The following FHIT variants were observed in gnomAD, a reference collection of about 807,000 sequenced individuals.
The protein encoded by FHIT is fragile histidine triad diadenosine triphosphatase.
In FHIT, 19 loss-of-function variants were observed where a neutral mutation model predicts 17.9. That is an observed-to-expected ratio of 1.06 (90% CI 0.74 to 1.56). FHIT has a LOEUF of 1.56. Among genes scored for constraint, FHIT ranks in the 40% most tolerant of loss-of-function variants. FHIT has a pLI of 0.00. For synonymous variants in FHIT, 81 were observed against 69.7 expected (o/e 1.16, Z -0.81); for missense variants, 248 against 189.2 (o/e 1.31, Z -1.82).
chr3:60,158,972 G>T (rs770162622), intron 5 of FHIT, among the ~76,000 whole-genome samples: 94 of 152,100 alleles, frequency 6.2e-4, no homozygotes, highest in Non-Finnish European at 1.2e-3. Flanking sequence ...CTCCAAGTGT[G>T]TTCCTGGAGG....
intron 4 of FHIT, among the ~76,000 whole-genome samples, chr3:60,818,362 T>C (rs560150369): frequency 2.9e-4 from 44 of 152,306 alleles, no homozygotes; most frequent in African/African-American, 9.6e-4. Flanking sequence ...AATCCTGTTA[T>C]AGTTTTCTGA....
At chr3:61,204,898 T>C (rs755741946) in intron 1 of FHIT, among the ~76,000 whole-genome samples, 1 of 152,152 alleles carries the variant, frequency 6.6e-6, no homozygotes, top group Non-Finnish European at 1.5e-5. Context: ...TATGTATACA[T>C]GTGCCATGTT....
chr3:60,514,314 G>A (rs2035063996), intron 5 of FHIT, among the ~76,000 whole-genome samples: 1 of 152,246 alleles, frequency 6.6e-6, no homozygotes, highest in South Asian at 2.1e-4. Context: ...CACAGGGCCT[G>A]CTTCTGCTGG....
intron 7 of FHIT, among the ~76,000 whole-genome samples, chr3:59,957,011 C>T (rs1707437032): frequency 6.6e-6 from 1 of 152,190 alleles, no homozygotes; most frequent in East Asian, 1.9e-4. Flanking sequence ...TCAAATTACA[C>T]TCTACAGAAC....
At chr3:60,695,766 T>A (rs1170658283) in intron 4 of FHIT, among the ~76,000 whole-genome samples, 1 of 152,218 alleles carries the variant, frequency 6.6e-6, no homozygotes, top group East Asian at 1.9e-4. Flanking sequence ...ATTGACAAGC[T>A]GTAATCTTGA....
intron 5 of FHIT, among the ~76,000 whole-genome samples, chr3:60,155,596 G>A (rs1024712118): frequency 6.6e-6 from 1 of 152,180 alleles, no homozygotes; most frequent in Admixed American, 6.5e-5. Context: ...GCCAGAGAGA[G>A]GGTCAGAAGC....
intron 4 of FHIT, among the ~76,000 whole-genome samples, chr3:60,755,550 G>A (rs2042555253): frequency 6.6e-6 from 1 of 152,168 alleles, no homozygotes; most frequent in Admixed American, 6.5e-5. Flanking sequence ...ACTGATAAAT[G>A]ACAAGCTTGT....
intron 5 of FHIT, among the ~76,000 whole-genome samples, chr3:60,124,806 CT>C (rs1176301646): frequency 6.6e-6 from 1 of 152,164 alleles, no homozygotes; most frequent in African/African-American, 2.4e-5. Context: ...GCCACTATTA[CT>C]GACTCTCTCG....
At chr3:61,051,858 A>G (rs960197453) in intron 2 of FHIT, among the ~76,000 whole-genome samples, 1 of 152,210 alleles carries the variant, frequency 6.6e-6, no homozygotes, top group African/African-American at 2.4e-5. Flanking sequence ...CAAAAGTTAC[A>G]CTGCATCTAA....
chr3:60,159,145 G>C (rs1327376858), intron 5 of FHIT, among the ~76,000 whole-genome samples: 2 of 151,990 alleles, frequency 1.3e-5, no homozygotes, highest in African/African-American at 4.8e-5. Context: ...GTTTGAAAGA[G>C]GGTCTCACTT....
intron 5 of FHIT, among the ~76,000 whole-genome samples, chr3:60,049,807 C>A (rs1701800292): frequency 6.6e-6 from 1 of 152,068 alleles, no homozygotes; most frequent in Admixed American, 6.5e-5. Context: ...GGTTTTAATT[C>A]CTCTAACTAC....
At chr3:60,373,207 T>C (rs1372878703) in intron 5 of FHIT, among the ~76,000 whole-genome samples, 1 of 152,104 alleles carries the variant, frequency 6.6e-6, no homozygotes, top group African/African-American at 2.4e-5. Context: ...GTAATTGTGA[T>C]AAATGTCATG....
At chr3:60,934,338 G>T (rs1708093496) in intron 3 of FHIT, among the ~76,000 whole-genome samples, 1 of 152,110 alleles carries the variant, frequency 6.6e-6, no homozygotes, top group Admixed American at 6.5e-5. Context: ...AAATTGGAAA[G>T]AACAAGGGCA....
At chr3:61,075,354 T>C (rs1283603604) in intron 2 of FHIT, among the ~76,000 whole-genome samples, 1 of 152,084 alleles carries the variant, frequency 6.6e-6, no homozygotes, top group African/African-American at 2.4e-5. Flanking sequence ...TAAACATACA[T>C]GCACATACAC....
At chr3:60,963,120 C>T (rs1295660971) in intron 3 of FHIT, among the ~76,000 whole-genome samples, 1 of 152,190 alleles carries the variant, frequency 6.6e-6, no homozygotes, top group Non-Finnish European at 1.5e-5. Flanking sequence ...TGTTATTGGT[C>T]TATTAAGGGA....
At chr3:61,120,681 T>A (rs2106920589) in intron 2 of FHIT, among the ~76,000 whole-genome samples, 1 of 152,166 alleles carries the variant, frequency 6.6e-6, no homozygotes, top group East Asian at 1.9e-4. Flanking sequence ...CCAGAATGTC[T>A]CTTCTCCTCC....
At chr3:60,311,967 GT>G (rs1227049776) in intron 5 of FHIT, among the ~76,000 whole-genome samples, 1 of 152,088 alleles carries the variant, frequency 6.6e-6, no homozygotes, top group East Asian at 1.9e-4. Context: ...CAGTATAATA[GT>G]TCTTTATAAA....
intron 5 of FHIT, among the ~76,000 whole-genome samples, chr3:60,132,624 C>G (rs1699643489): frequency 6.6e-6 from 1 of 152,086 alleles, no homozygotes; most frequent in South Asian, 2.1e-4. Context: ...TGAGGATATT[C>G]TGTGTGACTA....
intron 5 of FHIT, among the ~76,000 whole-genome samples, chr3:60,124,498 T>G (rs7615233): frequency 0.49 from 74,703 of 151,944 alleles, 18,971 homozygotes; most frequent in African/African-American, 0.59. Flanking sequence ...TGACTTCAAG[T>G]CAGCTCCATT....
Sources: allele counts gnomAD v4.1 joint callset (sites outside exome capture counted in the v4.1 genomes callset), GRCh38; gene constraint gnomAD v4.1.1; transcripts MANE v1.5; gene names NCBI Gene and HGNC (gene_info 2026-07-23, HGNC 2026-07-21).